The following SLC16A7 variants were observed in gnomAD, a reference collection of about 807,000 sequenced individuals.
SLC16A7 encodes the protein monocarboxylate transporter 2.
A neutral mutation model predicts 34.9 loss-of-function variants in SLC16A7; 33 were observed. The observed-to-expected ratio is 0.94, with a 90% CI of 0.72 to 1.26. The LOEUF (loss-of-function observed/expected upper bound fraction) is 1.26. SLC16A7 is among the 50% of genes most tolerant of loss of function. SLC16A7 has a pLI of 0.00. For missense variants in SLC16A7, 573 were observed against 578.1 expected, an observed-to-expected ratio of 0.99 and a Z score of 0.09; for synonymous variants, 201 against 206.6, an observed-to-expected ratio of 0.97 and a Z score of 0.23.
chr12:59,743,704 T>C, intron 3 of SLC16A7, among the ~76,000 whole-genome samples: 1 of 152,210 alleles, frequency 6.6e-6, no homozygotes. Context: ...CATTTAAATG[T>C]GTACAATTGA....
intron 3 of SLC16A7, among the ~76,000 whole-genome samples, chr12:59,716,848 A>G (rs1348704928): frequency 6.6e-6 from 1 of 152,218 alleles, no homozygotes; most frequent in East Asian, 1.9e-4. Flanking sequence ...TCTGTCTCAC[A>G]ATAAATAAAA....
chr12:59,615,255 C>T (rs770739784), intron 1 of SLC16A7, among the ~76,000 whole-genome samples: 1 of 152,016 alleles, frequency 6.6e-6, no homozygotes, highest in African/African-American at 2.4e-5. Context: ...ATAAATTACT[C>T]ATTCTGTGGT....
intron 1 of SLC16A7, among the ~76,000 whole-genome samples, chr12:59,624,005 ATTT>A (rs536795159): frequency 7.4e-4 from 112 of 151,546 alleles, no homozygotes; most frequent in African/African-American, 2.7e-3. Context: ...AGTTTAAAAT[ATTT>A]ATTTATTTAT....
In SLC16A7 at chr12:59,788,347, T is replaced by G. The variant is rs1883762086; in HGVS notation, c.*8668T>G. Reference sequence around the variant, plus strand: ...ATATAAATTATATTTTAGGCTGTATTTTTGTGATTTTTAAGTGAAAAAAAT... The same window carrying G: ...ATATAAATTATATTTTAGGCTGTATGTTTGTGATTTTTAAGTGAAAAAAAT... On this transcript the variant is annotated 3_prime_UTR_variant, in exon 6 of 6. Transcript: ENST00000547379. 1 of 152,076 alleles carries G rather than the reference T, an allele frequency of 6.6e-6. No individual in the cohort carries two copies. Among genetic ancestry groups the G allele is most frequent in the African/African-American group, 2.4e-5 (1 of 41,462 alleles). 9.4% of individuals were successfully genotyped at this position (152,076 alleles called of 1,614,324 possible). A position where few individuals can be genotyped will look rare whatever the true frequency, so the allele number is the denominator to read the frequency against.
At position 59,612,002 on chromosome 12, in the gene SLC16A7, G is replaced by A. The variant is rs371182115; in HGVS notation, c.-130+15766G>A. Among the ~76,000 whole-genome samples the A allele has an allele frequency of 3.3e-4, 50 of 152,338 alleles. 1 individual carries two copies. The East Asian group carries it at 8.5e-3, about 26-fold the overall frequency. On this transcript the variant is annotated intron_variant, in intron 1 of 5. Coordinates refer to ENST00000547379, the MANE Select transcript of SLC16A7 (RefSeq NM_001270623.2). ...CAGCTTTTCCAGGCACATGGTGCAAGCTGTCAGTGGATCTACAATTCTAGG... is the reference window on the plus strand; with the variant it reads ...CAGCTTTTCCAGGCACATGGTGCAAACTGTCAGTGGATCTACAATTCTAGG...
rs1387750128 is a variant in SLC16A7 at position 59,673,015 on chromosome 12, A to T, written c.-31+17765A>T. Among the ~76,000 whole-genome samples the T allele has an allele frequency of 4.6e-5, 7 of 152,172 alleles. No homozygotes were observed. In the East Asian group the frequency reaches 1.3e-3, roughly 29 times the overall value. ...ATTTGACCTGAGCTTTAACAAAGCC[A>T]TAGAATTCTGCACTCTAAAGCATAA... is the stretch of plus-strand genomic sequence containing the variant. On this transcript the variant is annotated intron_variant, in intron 2 of 5. Transcript: ENST00000547379.
rs2137510157 is a variant in SLC16A7 at position 59,785,662 on chromosome 12, T to A, written c.*5983T>A. On this transcript the variant is annotated 3_prime_UTR_variant, in exon 6 of 6. Coordinates refer to ENST00000547379, the MANE Select transcript of SLC16A7 (RefSeq NM_001270623.2). ...ACTTGTTTGCATGATCTACATGTTT[T>A]TCAGTCTCCATATATACTTGTTAAT... 6.6e-6 allele frequency: 1 copy of A among 152,274 alleles called. No individual in the cohort carries two copies. Among genetic ancestry groups the A allele is most frequent in the East Asian group, 1.9e-4 (1 of 5,182 alleles). 9.4% of individuals were successfully genotyped at this position (152,274 alleles called of 1,614,324 possible).
At chr12:59,646,742 A>G (rs1273371167) in intron 1 of SLC16A7, among the ~76,000 whole-genome samples, 1 of 152,182 alleles carries the variant, frequency 6.6e-6, no homozygotes, top group East Asian at 1.9e-4. Context: ...ATTCCAGCCC[A>G]TGAAAGCAGC....
chr12:59,760,650 TA>T (rs1880914004), intron 3 of SLC16A7, among the ~76,000 whole-genome samples: 2 of 152,076 alleles, frequency 1.3e-5, no homozygotes, highest in African/African-American at 4.8e-5. Context: ...GTTAACCTGA[TA>T]ACTAAGAGGG....
intron 4 of SLC16A7, among the ~76,000 whole-genome samples, chr12:59,771,614 G>A (rs1442498781): frequency 6.6e-6 from 1 of 152,030 alleles, no homozygotes; most frequent in Non-Finnish European, 1.5e-5. Flanking sequence ...AACAGCTTTA[G>A]TTTGCTTTTT....
chr12:59,690,669 A>G (rs753634318), intron 2 of SLC16A7, among the ~76,000 whole-genome samples: 19 of 151,994 alleles, frequency 1.3e-4, no homozygotes, highest in Non-Finnish European at 2.4e-4. Context: ...TTCCTGGTGC[A>G]GAGAGGGAGA....
At chr12:59,644,506 G>A (rs1044203851) in intron 1 of SLC16A7, among the ~76,000 whole-genome samples, 1 of 152,098 alleles carries the variant, frequency 6.6e-6, no homozygotes, top group African/African-American at 2.4e-5. Flanking sequence ...GGTGGAAACT[G>A]CAGTAAGCCA....
chr12:59,608,092 T>A (rs961971673), intron 1 of SLC16A7, among the ~76,000 whole-genome samples: 1 of 152,214 alleles, frequency 6.6e-6, no homozygotes, highest in Non-Finnish European at 1.5e-5. Context: ...TCTGCAAATT[T>A]TTATTGAATA....
chr12:59,727,823 A>G (rs35506739), intron 3 of SLC16A7, among the ~76,000 whole-genome samples: 9,466 of 152,210 alleles, frequency 0.062, 453 homozygotes, highest in Middle Eastern at 0.17. Context: ...AGGTAGTGTC[A>G]TATTGGTTAA....
At chr12:59,673,750 A>G (rs1158631367) in intron 2 of SLC16A7, among the ~76,000 whole-genome samples, 3 of 152,150 alleles carry the variant, frequency 2.0e-5, no homozygotes, top group Non-Finnish European at 4.4e-5. Flanking sequence ...TCAGTTCTTC[A>G]AATGACTTAA....
At chr12:59,714,870 C>G (rs986439468) in intron 3 of SLC16A7, among the ~76,000 whole-genome samples, 1 of 152,036 alleles carries the variant, frequency 6.6e-6, no homozygotes, top group Non-Finnish European at 1.5e-5. Flanking sequence ...CGGCCTCTCT[C>G]TCTTCTTATA....
intron 2 of SLC16A7, among the ~76,000 whole-genome samples, chr12:59,655,573 C>A (rs1012051176): frequency 6.6e-6 from 1 of 151,620 alleles, no homozygotes; most frequent in Non-Finnish European, 1.5e-5. Flanking sequence ...GAATTATATT[C>A]TATTTTTATT....
chr12:59,664,844 A>C (rs961328300), intron 2 of SLC16A7: 1 of 152,216 alleles, frequency 6.6e-6, no homozygotes, highest in Non-Finnish European at 1.5e-5. Context: ...GGAGATATGT[A>C]TGTAAGTTTG....
intron 3 of SLC16A7, among the ~76,000 whole-genome samples, chr12:59,764,507 G>T (rs1400967612): frequency 9.6e-6 from 1 of 103,766 alleles, no homozygotes; most frequent in South Asian, 3.3e-4. Context: ...AACAGTCCCC[G>T]GTGTGTGATG....
Sources: allele counts gnomAD v4.1 joint callset (sites outside exome capture counted in the v4.1 genomes callset), GRCh38; gene constraint gnomAD v4.1.1; transcripts MANE v1.5; gene names NCBI Gene and HGNC (gene_info 2026-07-23, HGNC 2026-07-21).